DDX17: variants seen among roughly 807,000 people sequenced by gnomAD.
DDX17 encodes the protein DEAD-box helicase 17, also known as probable ATP-dependent RNA helicase DDX17.
Under a neutral mutation model 80.8 loss-of-function variants are expected in DDX17, and 10 were observed. The ratio of observed to expected loss-of-function variants is 0.12; its 90% CI spans 0.08 to 0.21. The LOEUF (loss-of-function observed/expected upper bound fraction) is 0.21. Ranked by LOEUF, DDX17 falls within the 10% of genes least tolerant of loss-of-function variation. The pLI is 1.00. For synonymous variants in DDX17, 339 were observed against 336.2 expected (o/e 1.01, Z -0.09); for missense variants, 586 against 957.4 (o/e 0.61, Z 5.12).
rs922730422 is a variant in DDX17 at position 38,489,989 on chromosome 22, C to G, written c.1448-1874G>C. 2 of 1,014,682 alleles carry G rather than the reference C, an allele frequency of 2.0e-6. No homozygotes were observed. The highest frequency in any genetic ancestry group is 2.4e-6 in the Non-Finnish European group (2 of 846,904). The allele number at this position is 1,014,682 out of a possible 1,614,324, so 62.9% of individuals were successfully genotyped here. A position where few individuals can be genotyped will look rare whatever the true frequency, so the allele number is the denominator to read the frequency against. On this transcript the variant is annotated intron_variant, in intron 11 of 12. Transcript: ENST00000403230. The surrounding 1 kb of genome is among the most constrained non-coding windows in gnomAD (Gnocchi z 4.6). The stretch of plus-strand genomic sequence containing the variant: ...AGTGTGCTTTCCTAGCAGAAAGCAC[C>G]AGGGTGGAGTCAACAGTTCACATGC...
rs897643939 is a variant in DDX17 at position 38,506,290 on chromosome 22, C to G, written c.-53G>C. On this transcript the variant is annotated 5_prime_UTR_variant, in exon 1 of 13. Coordinates refer to ENST00000403230, the MANE Select transcript of DDX17 (RefSeq NM_006386.5). ...CCGCGGTTTAGGCGTCTCCTTCCTT[C>G]CCAGCGACTGCACAAAATGGCGGCC... 1.3e-6 allele frequency: 2 copies of G among 1,504,222 alleles called. No individual in the cohort carries two copies. Among genetic ancestry groups the G allele is most frequent in the East Asian group, 2.5e-5 (1 of 40,484 alleles). 93.2% of individuals were successfully genotyped at this position (1,504,222 alleles called of 1,614,324 possible). A position where few individuals can be genotyped will look rare whatever the true frequency, so the allele number is the denominator to read the frequency against.
At chr22:38,487,535 C>T (rs1172560738) in intron 12 of DDX17, among the ~76,000 whole-genome samples, 2 of 152,178 alleles carry the variant, frequency 1.3e-5, no homozygotes, top group African/African-American at 4.8e-5. Context: ...AGGAGAATCA[C>T]TTGAACCTGG....
rs15530 is a variant in DDX17, at chr22:38,488,261, C to A, written c.1448-146G>T. ...AGTTAGTAACCACTCTGAACAGAAA[C>A]AAAAAAAGACTCATCCCAACAGAGT... On this transcript the variant is annotated intron_variant, in intron 11 of 12. Transcript: ENST00000403230. 8.2e-5 allele frequency: 126 copies of A among 1,540,816 alleles called. No individual in the cohort carries two copies. In the Admixed American group the frequency reaches 9.3e-4, roughly 11 times the overall value.
chr22:38,498,508 A>G lies in DDX17; in HGVS notation c.604T>C (p.Phe202Leu), dbSNP rs775801863. Residue 202 changes from phenylalanine to leucine, a missense_variant, in exon 4 of 13, where the codon TTT becomes CTT. Physicochemically the swap from Phe to Leu is conservative, Grantham distance 22 (BLOSUM62 0). This residue lies in a region of DDX17 where 141 missense variants were observed against 379.3 expected (regional missense o/e 0.37). Transcript: ENST00000403230. Reference sequence around the variant, plus strand: ...TCCCGGCCACTAAGAGCCAACGGAAATCCCTGGCACTGAATTGGAGTTGGT... The same window carrying G: ...TCCCGGCCACTAAGAGCCAACGGAAGTCCCTGGCACTGAATTGGAGTTGGT... The G allele has an allele frequency of 1.2e-6, 2 of 1,614,118 alleles. No homozygotes were observed. The highest frequency in any genetic ancestry group is 2.7e-5 in the African/African-American group (2 of 74,936).
rs1250354925 is a variant in DDX17 at position 38,499,324 on chromosome 22, A to G, written c.538+76T>C. 1.1e-5 allele frequency: 12 copies of G among 1,129,504 alleles called. No homozygotes were observed. The East Asian group carries it at 2.8e-4, about 26-fold the overall frequency. The allele number at this position is 1,129,504 out of a possible 1,614,324, so 70.0% of individuals were successfully genotyped here. On this transcript the variant is annotated intron_variant, in intron 3 of 12. Transcript: ENST00000403230. ...CAACAAAACCCCAAGCCTGGCTCAA[A>G]GAGTTTAACCTACTACCCTTGTCTC...
At chr22:38,492,927 C>T (rs1406507245) in intron 10 of DDX17, among the ~76,000 whole-genome samples, 4 of 152,088 alleles carry the variant, frequency 2.6e-5, no homozygotes, top group African/African-American at 9.6e-5. Flanking sequence ...ATTTCAGTAA[C>T]AGTTTAATTC....
Position 38,483,456 on chromosome 22 carries a change from T to C in DDX17, c.*2479A>G, listed in dbSNP as rs1212544754. ...TCACACCTTATTGTCAACAGTGTTT[T>C]TATTTATACCTACAAAAAGAAAACA... On this transcript the variant is annotated 3_prime_UTR_variant, in exon 13 of 13. Coordinates refer to ENST00000403230, the MANE Select transcript of DDX17 (RefSeq NM_006386.5). The C allele has an allele frequency of 6.6e-6, 1 of 152,508 alleles. No individual in the cohort carries two copies. The highest frequency in any genetic ancestry group is 1.5e-5 in the Non-Finnish European group (1 of 68,050). 9.4% of individuals were successfully genotyped at this position (152,508 alleles called of 1,614,324 possible).
intron 1 of DDX17, among the ~76,000 whole-genome samples, chr22:38,502,757 T>C (rs1333334553): frequency 6.6e-6 from 1 of 152,216 alleles, no homozygotes; most frequent in Non-Finnish European, 1.5e-5. Flanking sequence ...AGGTCTTTGT[T>C]TGGCATACAA....
At chr22:38,501,358 G>C in intron 1 of DDX17, 78 bp from the exon 2 acceptor site, 1 of 1,487,974 alleles carries the variant, frequency 6.7e-7, no homozygotes, top group African/African-American at 1.4e-5. Flanking sequence ...TATTCAAAAA[G>C]GATGGAGTTC....
At chr22:38,497,706 C>T (rs990223896) in intron 5 of DDX17, among the ~76,000 whole-genome samples, 4 of 149,320 alleles carry the variant, frequency 2.7e-5, no homozygotes, top group African/African-American at 9.8e-5. Context: ...GTGGGCTGAT[C>T]ACCTCAGGTC....
chr22:38,487,051 C>T (rs192163510), intron 12 of DDX17, among the ~76,000 whole-genome samples: 1 of 152,216 alleles, frequency 6.6e-6, no homozygotes. Flanking sequence ...ACCTGTAGTA[C>T]CAGCTACTTG....
At chr22:38,493,265 C>T (rs1413099292) in intron 10 of DDX17, 1 of 154,856 alleles carries the variant, frequency 6.5e-6, no homozygotes, top group Non-Finnish European at 1.4e-5. Context: ...TCCAACCTGT[C>T]TCCTAGACTC....
At position 38,489,467 on chromosome 22, in the gene DDX17, G is replaced by C; in HGVS notation, c.1448-1352C>G. The C allele has an allele frequency of 2.0e-6, 2 of 985,616 alleles. No individual in the cohort carries two copies. The highest frequency in any genetic ancestry group is 1.7e-5 in the African/African-American group (1 of 57,260). 61.1% of individuals were successfully genotyped at this position (985,616 alleles called of 1,614,324 possible). Reference sequence around the variant, plus strand: ...GCCAAGCGCCGGAGAACCTGGGTTCGGGTAAAAATTTCAGGTCCTCCAACG... The same window carrying C: ...GCCAAGCGCCGGAGAACCTGGGTTCCGGTAAAAATTTCAGGTCCTCCAACG... On this transcript the variant is annotated intron_variant, in intron 11 of 12. Coordinates refer to ENST00000403230, the MANE Select transcript of DDX17 (RefSeq NM_006386.5). The surrounding 1 kb of genome is among the most constrained non-coding windows in gnomAD (Gnocchi z 4.6).
chr22:38,500,946 T>C (rs138454), intron 2 of DDX17, among the ~76,000 whole-genome samples, 184 bp downstream of exon 2: 140,405 of 147,108 alleles, frequency 0.95, 67,093 homozygotes, highest in Admixed American at 0.98. Flanking sequence ...GCCTGGGGAA[T>C]ATGGCGAAAC....
In DDX17 at chr22:38,501,126, T is replaced by C. The variant is rs781696178; in HGVS notation, c.438+4A>G. ...TGTACATTAAAACACACATGTAAACTTACTGGTGTCAGCCTTGCTACTTCC... is the reference window on the plus strand; with the variant it reads ...TGTACATTAAAACACACATGTAAACCTACTGGTGTCAGCCTTGCTACTTCC... On this transcript the variant is annotated splice_donor_region_variant and intron_variant, in intron 2 of 12. Transcript: ENST00000403230. 1.9e-6 allele frequency: 3 copies of C among 1,613,456 alleles called. No homozygotes were observed. The highest frequency in any genetic ancestry group is 4.5e-5 in the East Asian group (2 of 44,888).
At chr22:38,505,658 T>C (rs1258552656) in intron 1 of DDX17, 6 of 396,628 alleles carry the variant, frequency 1.5e-5, no homozygotes, top group East Asian at 1.4e-4. Context: ...GGGCCTGGGC[T>C]GATGCGGCCA....
rs560323426 is a variant in DDX17, at chr22:38,483,904, G to A, written c.*2031C>T. 6.6e-5 allele frequency: 10 copies of A among 152,292 alleles called. No individual in the cohort carries two copies. The highest frequency in any genetic ancestry group is 2.6e-4 in the Admixed American group (4 of 15,288). 9.4% of individuals were successfully genotyped at this position (152,292 alleles called of 1,614,324 possible). ...CTGTGCTCAGGCCATAATAGTTTTT[G>A]AGGTTTGGAATTTACTGTTATTTTA... On this transcript the variant is annotated 3_prime_UTR_variant, in exon 13 of 13. Coordinates refer to ENST00000403230, the MANE Select transcript of DDX17 (RefSeq NM_006386.5).
In DDX17 at chr22:38,490,778, C is replaced by T. The variant is rs2089706159; in HGVS notation, c.1447+1278G>A. 3 of 215,696 alleles carry T rather than the reference C, an allele frequency of 1.4e-5. No individual in the cohort carries two copies. In the South Asian group the frequency reaches 1.7e-4, roughly 12 times the overall value. The allele number at this position is 215,696 out of a possible 1,614,324, so 13.4% of individuals were successfully genotyped here. A position where few individuals can be genotyped will look rare whatever the true frequency, so the allele number is the denominator to read the frequency against. ...TTTTGATTTTTTACAAGGCAGCAAA[C>T]AAAGGGGCCCAAAACAAGCACTGAT... On this transcript the variant is annotated intron_variant, in intron 11 of 12. Coordinates refer to ENST00000403230, the MANE Select transcript of DDX17 (RefSeq NM_006386.5).
rs2089621109 is a variant in DDX17, at chr22:38,483,449, A to C, written c.*2486T>G. On this transcript the variant is annotated 3_prime_UTR_variant, in exon 13 of 13. Transcript: ENST00000403230. ...TAAAAGCTCACACCTTATTGTCAAC[A>C]GTGTTTTTATTTATACCTACAAAAA... is the stretch of plus-strand genomic sequence containing the variant. 1 of 152,156 alleles carries C rather than the reference A, an allele frequency of 6.6e-6. No homozygotes were observed. Among genetic ancestry groups the C allele is most frequent in the South Asian group, 2.1e-4 (1 of 4,836 alleles). 9.4% of individuals were successfully genotyped at this position (152,156 alleles called of 1,614,324 possible).
Sources: gnomAD v4.1 joint callset for allele counts (sites outside exome capture counted in the v4.1 genomes callset) on GRCh38, gnomAD v4.1.1 for gene constraint, gnomAD v4.1.1 regional missense constraint, Gnocchi (gnomAD v3.1) non-coding constraint, MANE v1.5 for transcripts, NCBI Gene and HGNC (gene_info 2026-07-23, HGNC 2026-07-21) for gene names.